Variants in GATM observed in about 807,000 individuals in gnomAD.
GATM encodes the protein glycine amidinotransferase, mitochondrial.
Under a neutral mutation model 54.2 loss-of-function variants are expected in GATM, and 23 were observed. That is an observed-to-expected ratio of 0.42 (90% CI 0.31 to 0.60). GATM has a LOEUF of 0.60. Among genes scored for constraint, GATM ranks in the 20% least tolerant of loss-of-function variants. The probability of loss-of-function intolerance (pLI) is 0.14; values close to 1 mark genes in which losing one functional copy is unlikely to be tolerated. For missense variants in GATM, 401 were observed against 544.9 expected (o/e 0.74, Z 2.63); for synonymous variants, 168 against 183.1 (o/e 0.92, Z 0.67).
At chr15:45,367,378 TTC>T (rs1889467309) in intron 4 of GATM, among the ~76,000 whole-genome samples, 1 of 151,182 alleles carries the variant, frequency 6.6e-6, no homozygotes, top group African/African-American at 2.4e-5. Flanking sequence ...CAGTAACTGA[TTC>T]TGAGAATATT....
chr15:45,375,701 C>G (rs1036677215), intron 2 of GATM, among the ~76,000 whole-genome samples: 3 of 151,740 alleles, frequency 2.0e-5, no homozygotes, highest in African/African-American at 7.3e-5. Flanking sequence ...ATGGGGAATC[C>G]TGGAAATGCA....
At chr15:45,371,485 C>T (rs1288494352) in intron 2 of GATM, among the ~76,000 whole-genome samples, 1 of 152,162 alleles carries the variant, frequency 6.6e-6, no homozygotes, top group Non-Finnish European at 1.5e-5. Context: ...GCAATAAGTA[C>T]TAGAAAGGTG....
chr15:45,378,329 G>T lies in GATM; in HGVS notation c.69+56C>A, dbSNP rs116294276. The T allele has an allele frequency of 4.7e-4, 659 of 1,391,092 alleles. 1 individual carries two copies. The African/African-American group carries it at 6.8e-3, about 14-fold the overall frequency. 86.2% of individuals were successfully genotyped at this position (1,391,092 alleles called of 1,614,324 possible). ...AGGGAGCGAGCGAGTGCTCCACGCC[G>T]CCCGCAGGATCGAGTGAGTCACGCG... On this transcript the variant is annotated intron_variant, in intron 1 of 8. Coordinates refer to ENST00000396659, the MANE Select transcript of GATM (RefSeq NM_001482.3).
Position 45,361,973 on chromosome 15 carries a change from C to T in GATM, c.*136G>A. 1.5e-6 allele frequency: 1 copy of T among 680,032 alleles called. No individual in the cohort carries two copies. Among genetic ancestry groups the T allele is most frequent in the Non-Finnish European group, 2.7e-6 (1 of 372,230 alleles). The allele number at this position is 680,032 out of a possible 1,614,324, so 42.1% of individuals were successfully genotyped here. On this transcript the variant is annotated 3_prime_UTR_variant, in exon 9 of 9. Coordinates refer to ENST00000396659, the MANE Select transcript of GATM (RefSeq NM_001482.3). ...TCAAAGAAAAGTAATAGAAGCAAAC[C>T]AGGCTTACGACCCCTGTTAAGGAGA... is the stretch of plus-strand genomic sequence containing the variant.
At position 45,362,018 on chromosome 15, in the gene GATM, A is replaced by G; in HGVS notation, c.*91T>C. 1 of 789,240 alleles carries G rather than the reference A, an allele frequency of 1.3e-6. No individual in the cohort carries two copies. Among genetic ancestry groups the G allele is most frequent in the Non-Finnish European group, 2.3e-6 (1 of 442,100 alleles). The allele number at this position is 789,240 out of a possible 1,614,324, so 48.9% of individuals were successfully genotyped here. ...AGGAGATGATTGTTTAAAGCACTAC[A>G]GTTCATGCACTTTTTAAAGCAGGAG... On this transcript the variant is annotated 3_prime_UTR_variant, in exon 9 of 9. Transcript: ENST00000396659.
chr15:45,382,120 G>A (rs963126148), upstream of GATM, among the ~76,000 whole-genome samples: 12 of 152,150 alleles, frequency 7.9e-5, no homozygotes, highest in African/African-American at 2.4e-4. Context: ...CCAACCTATC[G>A]GAGTCTGTTC....
At chr15:45,381,184 AGATACCATT>A (rs1416556068), upstream of GATM, among the ~76,000 whole-genome samples, 3 of 152,168 alleles carry the variant, frequency 2.0e-5, no homozygotes, top group African/African-American at 7.2e-5. Flanking sequence ...TATTGGCAGT[AGATACCATT>A]AAATACTTTG....
At chr15:45,399,986 C>G (rs895622884) in intron 1 of GATM, among the ~76,000 whole-genome samples, 8 of 152,176 alleles carry the variant, frequency 5.3e-5, no homozygotes, top group African/African-American at 1.9e-4. Flanking sequence ...CTTTGGGAGG[C>G]TGAGGCAGGT....
intron 7 of GATM, 184 bp downstream of exon 7, chr15:45,364,613 T>A: frequency 1.7e-6 from 1 of 602,182 alleles, no homozygotes; most frequent in Non-Finnish European, 3.0e-6. Flanking sequence ...TTTCTATGGA[T>A]GAAAAAGTTG....
chr15:45,392,280 A>C (rs1237704047), intron 3 of GATM, among the ~76,000 whole-genome samples: 1 of 152,210 alleles, frequency 6.6e-6, no homozygotes, highest in Non-Finnish European at 1.5e-5. Context: ...ATGAGGAAGA[A>C]GGTACTTTCC....
intron 2 of GATM, among the ~76,000 whole-genome samples, chr15:45,370,231 C>G (rs1889517220): frequency 6.6e-6 from 1 of 151,958 alleles, no homozygotes; most frequent in South Asian, 2.1e-4. Flanking sequence ...CAAAAATTAG[C>G]CAGGCATGGT....
intron 3 of GATM, among the ~76,000 whole-genome samples, chr15:45,388,588 G>A (rs1184272309): frequency 6.6e-6 from 1 of 152,062 alleles, no homozygotes; most frequent in Non-Finnish European, 1.5e-5. Flanking sequence ...TCAGGACTTC[G>A]TCAGTTTTGA....
At chr15:45,379,478 A>G (rs976428296), upstream of GATM, 3 of 152,262 alleles carry the variant, frequency 2.0e-5, no homozygotes, top group Admixed American at 2.0e-4. Flanking sequence ...GGAAAGCACC[A>G]GACGAGCAGA....
At chr15:45,365,550 C>G (rs1889433626) in intron 6 of GATM, among the ~76,000 whole-genome samples, 1 of 152,152 alleles carries the variant, frequency 6.6e-6, no homozygotes, top group Non-Finnish European at 1.5e-5. Context: ...AGGCTATGGA[C>G]AGAAAGTAGG....
intron 3 of GATM, among the ~76,000 whole-genome samples, chr15:45,383,596 CT>C (rs58764877): frequency 0.33 from 48,119 of 146,782 alleles, 8,581 homozygotes; most frequent in East Asian, 0.83. Flanking sequence ...CAAATTGCTG[CT>C]TTTTTTTTTT....
At chr15:45,373,919 G>A (rs916921837) in intron 2 of GATM, among the ~76,000 whole-genome samples, 5 of 152,230 alleles carry the variant, frequency 3.3e-5, no homozygotes, top group Admixed American at 6.5e-5. Flanking sequence ...AGAACCAGAC[G>A]AATGAAATCA....
chr15:45,386,813 A>C (rs1228956753), intron 3 of GATM, among the ~76,000 whole-genome samples: 1 of 152,186 alleles, frequency 6.6e-6, no homozygotes, highest in African/African-American at 2.4e-5. Context: ...CCCAGGAGGA[A>C]GCACTCATCT....
intron 3 of GATM, 87 bp downstream of exon 3, chr15:45,369,239 A>C: frequency 8.5e-7 from 1 of 1,170,642 alleles, no homozygotes; most frequent in Non-Finnish European, 1.3e-6. Context: ...GGACTCTCCA[A>C]GAAATTTTTT....
At chr15:45,369,960 C>G (rs1889512768) in intron 2 of GATM, among the ~76,000 whole-genome samples, 1 of 152,182 alleles carries the variant, frequency 6.6e-6, no homozygotes, top group Non-Finnish European at 1.5e-5. Context: ...CATGGGCTAT[C>G]CATGCATCTC....
Sources: allele counts gnomAD v4.1 joint callset (sites outside exome capture counted in the v4.1 genomes callset), GRCh38; gene constraint gnomAD v4.1.1; transcripts MANE v1.5; gene names NCBI Gene and HGNC (gene_info 2026-07-23, HGNC 2026-07-21).